Variants in FLT1 observed in about 807,000 individuals in gnomAD.
FLT1 encodes the protein vascular endothelial growth factor receptor 1.
A neutral mutation model predicts 156.3 loss-of-function variants in FLT1; 49 were observed. The ratio of observed to expected loss-of-function variants is 0.31; its 90% confidence interval spans 0.25 to 0.40. The LOEUF is 0.40. FLT1 is among the 10% of genes least tolerant of loss of function. The pLI is 1.00. For synonymous variants in FLT1, 594 were observed against 583.8 expected, an observed-to-expected ratio of 1.02 and a Z score of -0.25; for missense variants, 1,322 against 1,637.2, an observed-to-expected ratio of 0.81 and a Z score of 3.32.
chr13:28,308,915 A>G lies in FLT1; in HGVS notation c.3648T>C (p.Ala1216=). 6.2e-7 allele frequency: 1 copy of G among 1,601,614 alleles called. No homozygotes were observed. Among genetic ancestry groups the G allele is most frequent in the Non-Finnish European group, 8.6e-7 (1 of 1,168,398 alleles). ...TTCTTTCCAGGCTCATGAACTTGAA[A>G]GCATTTACGTATCTAATGAAGAAAC... ...GSSDDVRYVN[A]FKFMSLERIK... Residue 1216 remains alanine (A), a synonymous_variant, in exon 28 of 30, where the codon GCT becomes GCC. Coordinates refer to ENST00000282397, the MANE Select transcript of FLT1 (RefSeq NM_002019.4).
chr13:28,452,878 G>A lies in FLT1; in HGVS notation c.388+14025C>T, dbSNP rs891127159. ...AAAGATGATGACAATGAAGTGTAAAGGGATTAATAATTTGCTTGAAATTCC... is the reference window on the plus strand; with the variant it reads ...AAAGATGATGACAATGAAGTGTAAAAGGATTAATAATTTGCTTGAAATTCC... On this transcript the variant is annotated intron_variant, in intron 3 of 29. Transcript: ENST00000282397. 3.3e-5 allele frequency among the ~76,000 whole-genome samples: 5 copies of A among 151,710 alleles called. No individual in the cohort carries two copies. In the East Asian group the frequency reaches 9.7e-4, roughly 29 times the overall value.
intron 3 of FLT1, among the ~76,000 whole-genome samples, chr13:28,457,936 T>C (rs1011150801): frequency 7.0e-6 from 1 of 142,510 alleles, no homozygotes; most frequent in East Asian, 2.0e-4. Flanking sequence ...TCCTTTTCTT[T>C]TTTTTTTTTT....
chr13:28,492,263 T>C (rs1881513418), intron 1 of FLT1, among the ~76,000 whole-genome samples: 1 of 152,204 alleles, frequency 6.6e-6, no homozygotes, highest in Admixed American at 6.5e-5. Context: ...CACTTAGTTA[T>C]AGTAAATTGT....
At chr13:28,473,144 T>C (rs1880269067) in intron 1 of FLT1, among the ~76,000 whole-genome samples, 1 of 152,000 alleles carries the variant, frequency 6.6e-6, no homozygotes, top group African/African-American at 2.4e-5. Context: ...CCCTCTTACA[T>C]CGCAGGTAGG....
In FLT1 at chr13:28,306,723, C is replaced by G; in HGVS notation, c.3770G>C (p.Arg1257Pro). 1 of 1,613,930 alleles carries G rather than the reference C, an allele frequency of 6.2e-7. No individual in the cohort carries two copies. The highest frequency in any genetic ancestry group is 8.5e-7 in the Non-Finnish European group (1 of 1,179,870). ...GGGTTTGCTGTCAGTCCAGGTGAAG[C>G]GCTTCAGCATGGGAGAGGCCAACAG... ...STLLASPMLKRFTWTDSKPKA... is the reference protein window; with the variant it reads ...STLLASPMLKPFTWTDSKPKA... Residue 1257 changes from arginine (R) to proline (P), a missense_variant, in exon 29 of 30, where the codon CGC becomes CCC. Around this residue, in one of 3 missense-constraint regions of FLT1, gnomAD observed 329 missense variants for 366.2 expected, o/e 0.90. Coordinates refer to ENST00000282397, the MANE Select transcript of FLT1 (RefSeq NM_002019.4).
intron 4 of FLT1, among the ~76,000 whole-genome samples, chr13:28,435,737 A>G (rs1036272532): frequency 6.6e-6 from 1 of 152,202 alleles, no homozygotes. Flanking sequence ...CTATGCCTAC[A>G]TCGGAATGTA....
At chr13:28,353,368 T>A (rs1284273185) in intron 15 of FLT1, among the ~76,000 whole-genome samples, 14 of 151,084 alleles carry the variant, frequency 9.3e-5, no homozygotes, top group Admixed American at 8.6e-4. Context: ...AGGTCAGGAG[T>A]TCGAGACCAG....
chr13:28,479,722 T>A (rs1880736456), intron 1 of FLT1, among the ~76,000 whole-genome samples: 1 of 152,252 alleles, frequency 6.6e-6, no homozygotes, highest in Non-Finnish European at 1.5e-5. Context: ...GACTTTAGCG[T>A]TGTTTGTATT....
intron 13 of FLT1, chr13:28,388,315 T>G (rs1296684299): frequency 1.9e-6 from 2 of 1,058,210 alleles, no homozygotes; most frequent in Non-Finnish European, 2.3e-6. Context: ...AAGACAAGTT[T>G]AGCCGTGGGA....
chr13:28,379,473 G>A lies in FLT1; in HGVS notation c.2116+5412C>T, dbSNP rs1873984122. ...GAGAAGAGGAGAAAGGAAAAAGTGAGGAAGAGTGGTGTCAGGGCGCAGCAG... is the reference window on the plus strand; with the variant it reads ...GAGAAGAGGAGAAAGGAAAAAGTGAAGAAGAGTGGTGTCAGGGCGCAGCAG... On this transcript the variant is annotated intron_variant, in intron 14 of 29. Coordinates refer to ENST00000282397, the MANE Select transcript of FLT1 (RefSeq NM_002019.4). 2.0e-5 allele frequency among the ~76,000 whole-genome samples: 3 copies of A among 152,194 alleles called. No individual in the cohort carries two copies. The South Asian group carries it at 6.2e-4, about 31-fold the overall frequency.
chr13:28,473,671 A>AAGAAAGAAAGAG lies in FLT1; in HGVS notation c.65-6055_65-6054insCTCTTTCTTTCT, dbSNP rs1431747843. Among the ~76,000 whole-genome samples, 3 of 118,358 alleles carry AAGAAAGAAAGAG rather than the reference A, an allele frequency of 2.5e-5. No individual in the cohort carries two copies. The East Asian group carries it at 6.8e-4, about 27-fold the overall frequency. The allele number at this position is 118,358 out of a possible 152,430, so 77.6% of individuals were successfully genotyped here. A position where few individuals can be genotyped will look rare whatever the true frequency, so the allele number is the denominator to read the frequency against. The stretch of plus-strand genomic sequence containing the variant: ...AAAGAAAGAAAGAAAGAAAGAAAGA[A>AAGAAAGAAAGAG]AGAGAGAGAGAGAGAGAGAGAGAAA... On this transcript the variant is annotated intron_variant, in intron 1 of 29. Coordinates refer to ENST00000282397, the MANE Select transcript of FLT1 (RefSeq NM_002019.4).
intron 15 of FLT1, among the ~76,000 whole-genome samples, chr13:28,354,908 A>G (rs1316858535): frequency 6.6e-6 from 1 of 152,220 alleles, no homozygotes; most frequent in Non-Finnish European, 1.5e-5. Flanking sequence ...AGAGTAAATG[A>G]TATGGCTAAC....
intron 17 of FLT1, among the ~76,000 whole-genome samples, chr13:28,338,618 C>A (rs182576854): frequency 6.6e-6 from 1 of 152,280 alleles, no homozygotes; most frequent in East Asian, 1.9e-4. Context: ...TCGGTCTGGA[C>A]ATTCCCAGGA....
At chr13:28,458,432 G>A (rs1305715130) in intron 3 of FLT1, among the ~76,000 whole-genome samples, 11 of 152,208 alleles carry the variant, frequency 7.2e-5, no homozygotes, top group Non-Finnish European at 2.9e-5. Context: ...ATTTTTTCTG[G>A]TATGGATTTT....
At position 28,495,034 on chromosome 13, in the gene FLT1, G is replaced by A. The variant is rs1245637720; in HGVS notation, c.-191C>T. On this transcript the variant is annotated 5_prime_UTR_variant, in exon 1 of 30. Transcript: ENST00000282397. The surrounding 1 kb of genome is among the most constrained non-coding windows in gnomAD (Gnocchi z 4.1). ...CAGGCGCCCGCTGGCCGCTGCACCC[G>A]AGCCCCGGAGCCCGCTCCGAGCCGC... 4 of 485,160 alleles carry A rather than the reference G, an allele frequency of 8.2e-6. No individual in the cohort carries two copies. Among genetic ancestry groups the A allele is most frequent in the Non-Finnish European group, 1.4e-5 (4 of 281,360 alleles). 30.1% of individuals were successfully genotyped at this position (485,160 alleles called of 1,614,324 possible). A position where few individuals can be genotyped will look rare whatever the true frequency, so the allele number is the denominator to read the frequency against.
rs1337799121 is a variant in FLT1 at position 28,339,311 on chromosome 13, A to C, written c.2356-11T>G. On this transcript the variant is annotated splice_polypyrimidine_tract_variant and intron_variant, in intron 16 of 29. Coordinates refer to ENST00000282397, the MANE Select transcript of FLT1 (RefSeq NM_002019.4). ...TATTTCAGAAGAAGACTGAGAAATA[A>C]AGAGATCTCAAAGTCATCGAGAAGA... 2.5e-6 allele frequency: 4 copies of C among 1,612,450 alleles called. No individual in the cohort carries two copies. The highest frequency in any genetic ancestry group is 3.4e-6 in the Non-Finnish European group (4 of 1,179,112).
intron 4 of FLT1, among the ~76,000 whole-genome samples, chr13:28,436,494 T>C (rs1261783125): frequency 6.6e-6 from 1 of 152,176 alleles, no homozygotes; most frequent in East Asian, 1.9e-4. Flanking sequence ...CTCCAGATCG[T>C]AGGCAGAAAA....
At chr13:28,477,869 C>A (rs1410894056) in intron 1 of FLT1, among the ~76,000 whole-genome samples, 1 of 152,168 alleles carries the variant, frequency 6.6e-6, no homozygotes, top group Non-Finnish European at 1.5e-5. Flanking sequence ...GAAATATACA[C>A]ATTTTCAGAT....
At chr13:28,363,178 C>T (rs2137417917) in intron 14 of FLT1, among the ~76,000 whole-genome samples, 1 of 152,152 alleles carries the variant, frequency 6.6e-6, no homozygotes, top group East Asian at 1.9e-4. Flanking sequence ...CTCTGTTCTG[C>T]TGAGGAAAAT....
Sources: allele counts gnomAD v4.1 joint callset (sites outside exome capture counted in the v4.1 genomes callset), GRCh38; gene constraint gnomAD v4.1.1; regional missense constraint gnomAD v4.1.1; non-coding constraint Gnocchi (gnomAD v3.1); transcripts MANE v1.5; gene names NCBI Gene and HGNC (gene_info 2026-07-23, HGNC 2026-07-21).